The following CHM variants were observed in gnomAD, a reference collection of about 807,000 sequenced individuals.
CHM encodes CHM Rab escort protein.
CHM carries 10 observed loss-of-function variants against 49.0 expected under a neutral mutation model. The ratio of observed to expected loss-of-function variants is 0.20; its 90% CI spans 0.13 to 0.35. The LOEUF is 0.35. Among genes scored for constraint, CHM ranks in the 10% least tolerant of loss-of-function variants. CHM has a pLI of 1.00. For synonymous variants in CHM, 184 were observed against 167.5 expected, an observed-to-expected ratio of 1.10 and a Z score of -0.76; for missense variants, 455 against 478.4, an observed-to-expected ratio of 0.95 and a Z score of 0.46.
At chrX:86,044,553 T>C (rs191889292) in intron 1 of CHM, among the ~76,000 whole-genome samples, 1 of 112,314 alleles carries the variant, frequency 8.9e-6, no homozygotes, top group Non-Finnish European at 1.9e-5. Flanking sequence ...TGTTGAGTTC[T>C]TGGCTCTGCT....
At chrX:85,911,510 AAT>A (rs1927027735) in intron 8 of CHM, among the ~76,000 whole-genome samples, 172 bp from the exon 9 acceptor site, 1 of 108,372 alleles carries the variant, frequency 9.2e-6, no homozygotes, top group African/African-American at 3.4e-5. Flanking sequence ...CAAGATTAGT[AAT>A]ATCTTGACAC....
At chrX:85,938,544 C>CTT (rs528393414) in intron 8 of CHM, among the ~76,000 whole-genome samples, 4 of 91,202 alleles carry the variant, frequency 4.4e-5, no homozygotes, top group Admixed American at 1.2e-4. Flanking sequence ...GGTTCCTAAT[C>CTT]TTTTTTTTTT....
At position 85,864,469 on chromosome X, in the gene CHM, G is replaced by A. The variant is rs1923564780; in HGVS notation, c.*161C>T. On this transcript the variant is annotated 3_prime_UTR_variant, in exon 15 of 15. Coordinates refer to ENST00000357749, the MANE Select transcript of CHM (RefSeq NM_000390.4). ...GCTTTATAAGTGTTGTGTGTTCTTG[G>A]AATGTCCTCTATAAGGAAAATCCCC... 1 of 492,097 alleles carries A rather than the reference G, an allele frequency of 2.0e-6. No homozygotes were observed. The highest frequency in any genetic ancestry group is 2.9e-5 in the South Asian group (1 of 34,357). 40.6% of individuals were successfully genotyped at this position (492,097 alleles called of 1,213,427 possible).
intron 1 of CHM, among the ~76,000 whole-genome samples, chrX:86,045,608 C>T (rs757110262): frequency 2.1e-4 from 23 of 111,647 alleles, no homozygotes; most frequent in Non-Finnish European, 4.1e-4. Context: ...TCACCTGATG[C>T]AATTCTCTGG....
intron 12 of CHM, among the ~76,000 whole-genome samples, chrX:85,884,544 T>C (rs1924970765): frequency 9.0e-6 from 1 of 111,193 alleles, no homozygotes; most frequent in South Asian, 3.7e-4. Context: ...AGGTAGTATG[T>C]TAATGAAATG....
intron 5 of CHM, among the ~76,000 whole-genome samples, chrX:85,961,418 C>CAAAAA (rs1204463688): frequency 1.6e-4 from 4 of 24,360 alleles, no homozygotes; most frequent in African/African-American, 4.3e-4. Context: ...GACTCTGTCT[C>CAAAAA]AAAAAAAAAA....
intron 8 of CHM, among the ~76,000 whole-genome samples, chrX:85,940,912 C>A (rs1221172802): frequency 9.0e-6 from 1 of 110,951 alleles, no homozygotes; most frequent in African/African-American, 3.3e-5. Flanking sequence ...TGCATTCATA[C>A]CTCTACTGAA....
At chrX:85,879,137 T>C (rs1924604920) in intron 12 of CHM, 74 bp from the exon 13 acceptor site, 1 of 719,712 alleles carries the variant, frequency 1.4e-6, no homozygotes, top group Non-Finnish European at 2.1e-6. Context: ...ATTAAGCTGG[T>C]ATTATGGATA....
intron 1 of CHM, among the ~76,000 whole-genome samples, chrX:86,029,341 T>C (rs1336727228): frequency 8.9e-6 from 1 of 112,031 alleles, no homozygotes; most frequent in African/African-American, 3.2e-5. Context: ...TTTAGTGAAA[T>C]GCAGTCATTA....
intron 4 of CHM, 71 bp from the exon 5 acceptor site, chrX:85,964,123 T>C: frequency 5.1e-6 from 5 of 985,807 alleles, no homozygotes; most frequent in Non-Finnish European, 4.2e-6. Context: ...TCAAGTTCAG[T>C]GTACGTTTTG....
chrX:85,976,180 T>A (rs1569234652), intron 4 of CHM, among the ~76,000 whole-genome samples: 2 of 112,072 alleles, frequency 1.8e-5, no homozygotes, highest in African/African-American at 6.5e-5. Flanking sequence ...GATCATCAGC[T>A]GTTACACTGT....
At chrX:86,016,324 A>G in intron 2 of CHM, among the ~76,000 whole-genome samples, 1 of 111,768 alleles carries the variant, frequency 8.9e-6, no homozygotes, top group Non-Finnish European at 1.9e-5. Flanking sequence ...TTAATCCCCA[A>G]GACAATGGGG....
At chrX:85,923,175 CA>C (rs1159802683) in intron 8 of CHM, among the ~76,000 whole-genome samples, 6 of 112,326 alleles carry the variant, frequency 5.3e-5, no homozygotes, top group Non-Finnish European at 1.1e-4. Context: ...AGCTGTGTGA[CA>C]GTGCTTCAGT....
chrX:86,003,574 G>A (rs1291797644), intron 2 of CHM, among the ~76,000 whole-genome samples: 2 of 112,100 alleles, frequency 1.8e-5, no homozygotes, highest in Non-Finnish European at 3.8e-5. Flanking sequence ...TAAATGACCT[G>A]ACGGAGCTGC....
chrX:85,873,660 T>A (rs1924243113), intron 13 of CHM, among the ~76,000 whole-genome samples: 1 of 111,027 alleles, frequency 9.0e-6, no homozygotes, highest in African/African-American at 3.3e-5. Flanking sequence ...GATCACTAAT[T>A]GGTATGACGT....
At position 85,873,140 on chromosome X, in the gene CHM, C is replaced by G; in HGVS notation, c.1682G>C (p.Ser561Thr). The G allele has an allele frequency of 8.3e-7, 1 of 1,205,783 alleles. No homozygotes were observed. The highest frequency in any genetic ancestry group is 1.1e-6 in the Non-Finnish European group (1 of 890,803). Residue 561 changes from serine (S) to threonine (T), a missense_variant, in exon 14 of 15, where the codon AGC becomes ACC. Ser to Thr is a moderately conservative substitution (Grantham distance 58). Transcript: ENST00000357749. ...YFNMRDSSDI[S>T]RSCYNDLPSN... ...TGGTAAATCATTATAACAGCTCCTG[C>G]TGATGTCTGACGAATCTCTCATATT...
At chrX:86,012,370 G>A (rs752294288) in intron 2 of CHM, among the ~76,000 whole-genome samples, 35 of 111,941 alleles carry the variant, frequency 3.1e-4, no homozygotes, top group Non-Finnish European at 5.6e-4. Context: ...AGACCACCTG[G>A]TGGCCATCAA....
intron 2 of CHM, among the ~76,000 whole-genome samples, chrX:86,023,331 C>T (rs1293024574): frequency 9.0e-6 from 1 of 111,027 alleles, no homozygotes; most frequent in Non-Finnish European, 1.9e-5. Context: ...GTTTCCCAAA[C>T]TTGTCACTCT....
intron 2 of CHM, among the ~76,000 whole-genome samples, chrX:85,993,051 T>C (rs1932279253): frequency 8.9e-6 from 1 of 111,926 alleles, no homozygotes; most frequent in African/African-American, 3.2e-5. Flanking sequence ...GATTCAATTA[T>C]CACTTCTCTG....
Sources: allele counts gnomAD v4.1 joint callset (sites outside exome capture counted in the v4.1 genomes callset), GRCh38; gene constraint gnomAD v4.1.1; transcripts MANE v1.5; gene names NCBI Gene and HGNC (gene_info 2026-07-23, HGNC 2026-07-21).